LRRTM4: variants seen among roughly 807,000 people sequenced by gnomAD.
LRRTM4 encodes leucine rich repeat transmembrane neuronal 4.
A neutral mutation model predicts 47.6 loss-of-function variants in LRRTM4; 25 were observed. The observed-to-expected ratio is 0.53, with a 90% CI of 0.38 to 0.73. The LOEUF (loss-of-function observed/expected upper bound fraction) is 0.73, where lower values mean the gene tolerates loss of function less well. Ranked by LOEUF, LRRTM4 falls within the 30% of genes least tolerant of loss-of-function variation. LRRTM4 has a pLI of 0.00. For missense variants in LRRTM4, 638 were observed against 713.4 expected, an observed-to-expected ratio of 0.89 and a Z score of 1.20; for synonymous variants, 311 against 269.5, an observed-to-expected ratio of 1.15 and a Z score of -1.51.
intron 3 of LRRTM4, among the ~76,000 whole-genome samples, chr2:77,141,786 A>G (rs1039640494): frequency 1.3e-4 from 20 of 152,142 alleles, no homozygotes; most frequent in Non-Finnish European, 2.5e-4. Context: ...TGACCACTAT[A>G]TATATCACCC....
chr2:77,297,274 T>C (rs1199518905), intron 3 of LRRTM4, among the ~76,000 whole-genome samples: 2 of 152,158 alleles, frequency 1.3e-5, no homozygotes, highest in Non-Finnish European at 1.5e-5. Context: ...CCTTTATGAA[T>C]TTTATATCAT....
rs550300310 is a variant in LRRTM4, at chr2:77,071,102, G to C, written c.1552-322186C>G. 2.0e-5 allele frequency among the ~76,000 whole-genome samples: 3 copies of C among 152,190 alleles called. No individual in the cohort carries two copies. In the South Asian group the frequency reaches 6.2e-4, roughly 32 times the overall value. On this transcript the variant is annotated intron_variant, in intron 3 of 3. Transcript: ENST00000409884. ...GAATAGTACACGTAGGTAAACACAA[G>C]AGGATAAAGAGTATTTCACAGAAAA...
chr2:77,052,908 T>C (rs1362090886), intron 3 of LRRTM4, among the ~76,000 whole-genome samples: 1 of 152,130 alleles, frequency 6.6e-6, no homozygotes, highest in Non-Finnish European at 1.5e-5. Flanking sequence ...TCCATTTGAA[T>C]TCACTAATAT....
intron 3 of LRRTM4, chr2:76,986,046 T>A (rs2103978011): frequency 6.6e-6 from 1 of 152,136 alleles, no homozygotes; most frequent in East Asian, 1.9e-4. Flanking sequence ...TTTAATTTTA[T>A]CATGTGCTTT....
intron 3 of LRRTM4, among the ~76,000 whole-genome samples, chr2:76,975,392 A>C (rs1232756637): frequency 1.3e-5 from 2 of 149,308 alleles, no homozygotes; most frequent in African/African-American, 5.0e-5. Flanking sequence ...TTCTGGCTTA[A>C]TCATAAGAGA....
chr2:77,234,446 T>A (rs1024197613), intron 3 of LRRTM4, among the ~76,000 whole-genome samples: 7 of 152,196 alleles, frequency 4.6e-5, no homozygotes, highest in Non-Finnish European at 7.3e-5. Context: ...AATATATGTC[T>A]ACAAGTGTAA....
rs10189349 is a variant in LRRTM4 at position 77,029,205 on chromosome 2, G to A, written c.1552-280289C>T. On this transcript the variant is annotated intron_variant, in intron 3 of 3. Coordinates refer to ENST00000409884, the MANE Select transcript of LRRTM4 (RefSeq NM_001134745.3). ...TGTATTAGTCAAGGTTCTCTAAAGG[G>A]ACAAAAATAATAGGATAGATGTATA... is the stretch of plus-strand genomic sequence containing the variant. Among the ~76,000 whole-genome samples, 1,324 of 151,640 alleles carry A rather than the reference G, an allele frequency of 8.7e-3. 20 individuals are homozygous for A. Among genetic ancestry groups the A allele is most frequent in the African/African-American group, 0.031 (1,276 of 41,306 alleles).
At chr2:76,834,108 T>C (rs1256780661) in intron 3 of LRRTM4, among the ~76,000 whole-genome samples, 3 of 151,718 alleles carry the variant, frequency 2.0e-5, no homozygotes, top group Non-Finnish European at 4.4e-5. Flanking sequence ...TGGCACCATC[T>C]TGGCTCACTG....
intron 3 of LRRTM4, among the ~76,000 whole-genome samples, chr2:77,511,019 C>A (rs943862124): frequency 7.2e-5 from 11 of 152,064 alleles, no homozygotes; most frequent in African/African-American, 2.4e-4. Context: ...TGTTTTTCCA[C>A]TTTTCTCTGA....
intron 3 of LRRTM4, among the ~76,000 whole-genome samples, chr2:77,285,405 G>C (rs1676627649): frequency 7.8e-6 from 1 of 128,846 alleles, no homozygotes; most frequent in Non-Finnish European, 1.6e-5. Context: ...ATGAGGTATT[G>C]CAAGCAAATA....
At chr2:77,337,277 T>C (rs1318641971) in intron 3 of LRRTM4, among the ~76,000 whole-genome samples, 6 of 152,138 alleles carry the variant, frequency 3.9e-5, no homozygotes, top group African/African-American at 1.4e-4. Flanking sequence ...ATCAAGGTCA[T>C]TAAAATGTCC....
chr2:77,299,410 AAC>A (rs567384431), intron 3 of LRRTM4, among the ~76,000 whole-genome samples: 4 of 151,542 alleles, frequency 2.6e-5, no homozygotes, highest in South Asian at 2.1e-4. Context: ...TATATATACA[AAC>A]ACACACACAG....
chr2:77,056,239 G>T (rs1202553874), intron 3 of LRRTM4, among the ~76,000 whole-genome samples: 1 of 143,566 alleles, frequency 7.0e-6, no homozygotes, highest in African/African-American at 2.5e-5. Flanking sequence ...AAAAAATAAG[G>T]CAGTTTAGAG....
intron 3 of LRRTM4, among the ~76,000 whole-genome samples, chr2:77,375,287 T>C (rs1672791950): frequency 6.6e-6 from 1 of 151,838 alleles, no homozygotes; most frequent in Non-Finnish European, 1.5e-5. Context: ...ATTTTTGATA[T>C]ACAAAAGAAC....
In LRRTM4 at chr2:76,780,533, T is replaced by C. The variant is rs189824301; in HGVS notation, c.1552-31617A>G. Among the ~76,000 whole-genome samples the C allele has an allele frequency of 4.6e-3, 699 of 152,248 alleles. 27 individuals are homozygous for C. Among genetic ancestry groups the C allele is most frequent in the Admixed American group, 0.041 (626 of 15,296 alleles). On this transcript the variant is annotated intron_variant, in intron 3 of 3. Transcript: ENST00000409884. ...TTCATCTTCCATTGCTGATACCCTTTTTTCCAGTTGATCGCATCGGCTCCT... is the reference window on the plus strand; with the variant it reads ...TTCATCTTCCATTGCTGATACCCTTCTTTCCAGTTGATCGCATCGGCTCCT...
At chr2:77,207,858 G>C (rs1271004849) in intron 3 of LRRTM4, among the ~76,000 whole-genome samples, 1 of 138,158 alleles carries the variant, frequency 7.2e-6, no homozygotes, top group Non-Finnish European at 1.5e-5. Context: ...TTGAATAAGG[G>C]AAAGTGGCTT....
At position 77,464,103 on chromosome 2, in the gene LRRTM4, C is replaced by A. The variant is rs528109712; in HGVS notation, c.1551+54215G>T. Among the ~76,000 whole-genome samples, 14 of 152,076 alleles carry A rather than the reference C, an allele frequency of 9.2e-5. No individual in the cohort carries two copies. In the East Asian group the frequency reaches 2.7e-3, roughly 29 times the overall value. On this transcript the variant is annotated intron_variant, in intron 3 of 3. Coordinates refer to ENST00000409884, the MANE Select transcript of LRRTM4 (RefSeq NM_001134745.3). ...GACCATCAGGTAATTGAGATAAATT[C>A]TGATTTGGAAGGACAGACAAGGAAA...
intron 3 of LRRTM4, among the ~76,000 whole-genome samples, chr2:76,849,122 AAATG>A (rs750684016): frequency 9.2e-5 from 14 of 152,122 alleles, no homozygotes; most frequent in Admixed American, 2.0e-4. Flanking sequence ...TTTCTGGGTT[AAATG>A]AGAGCACACA....
chr2:77,029,105 TAA>T (rs1300777879), intron 3 of LRRTM4, among the ~76,000 whole-genome samples: 2 of 147,468 alleles, frequency 1.4e-5, no homozygotes, highest in African/African-American at 5.0e-5. Context: ...TCATTAGCAA[TAA>T]AATGAGTCAC....
Sources: gnomAD v4.1 joint callset for allele counts (sites outside exome capture counted in the v4.1 genomes callset) on GRCh38, gnomAD v4.1.1 for gene constraint, MANE v1.5 for transcripts, NCBI Gene and HGNC (gene_info 2026-07-23, HGNC 2026-07-21) for gene names.